HEATR5B: variants seen among roughly 807,000 people sequenced by gnomAD.
HEATR5B encodes HEAT repeat-containing protein 5B.
A neutral mutation model predicts 224.1 loss-of-function variants in HEATR5B; 156 were observed. The ratio of observed to expected loss-of-function variants is 0.70; its 90% CI spans 0.61 to 0.80. HEATR5B has a LOEUF of 0.80. Among genes scored for constraint, HEATR5B ranks in the 30% least tolerant of loss-of-function variants. The pLI, the probability that HEATR5B is intolerant of heterozygous loss-of-function variation, is 0.00. For synonymous variants in HEATR5B, 1,027 were observed against 893.0 expected (o/e 1.15, Z -2.68); for missense variants, 2,323 against 2,535.5 (o/e 0.92, Z 1.80).
intron 5 of HEATR5B, among the ~76,000 whole-genome samples, chr2:37,073,489 C>T (rs185261246): frequency 2.0e-4 from 30 of 152,246 alleles, no homozygotes; most frequent in African/African-American, 6.7e-4. Context: ...GGTGATCCAC[C>T]CGTCTCAGCC....
intron 26 of HEATR5B, among the ~76,000 whole-genome samples, chr2:37,015,817 T>A (rs1353642899): frequency 6.6e-6 from 1 of 152,288 alleles, no homozygotes; most frequent in Middle Eastern, 3.4e-3. Flanking sequence ...TCAAGGGTAA[T>A]TACATAACCC....
intron 22 of HEATR5B, among the ~76,000 whole-genome samples, chr2:37,029,467 C>G (rs1316591819): frequency 1.3e-5 from 2 of 151,818 alleles, no homozygotes; most frequent in Non-Finnish European, 2.9e-5. Flanking sequence ...AGTTCGAGAC[C>G]AGCCTGGCCA....
intron 33 of HEATR5B, among the ~76,000 whole-genome samples, chr2:36,994,239 G>C (rs1428871411): frequency 6.6e-6 from 1 of 152,108 alleles, no homozygotes; most frequent in African/African-American, 2.4e-5. Context: ...AGGGTATGCT[G>C]GAGTTCCTTA....
rs1671490761 is a variant in HEATR5B, at chr2:37,064,824, A to T, written c.1500T>A (p.Ala500=). The T allele has an allele frequency of 1.2e-6, 2 of 1,613,976 alleles. No homozygotes were observed. Among genetic ancestry groups the T allele is most frequent in the African/African-American group, 2.7e-5 (2 of 74,908 alleles). The change falls in exon 10 of 36, where the codon GCT becomes GCA. Residue 500 remains alanine, a synonymous_variant. Coordinates refer to ENST00000233099, the MANE Select transcript of HEATR5B (RefSeq NM_019024.3). ...RLNNLKTSPE[A]VSGYSFAMAA... is the part of the protein sequence containing the mutation. Reference sequence around the variant, plus strand: ...CCATTGCAAAACTATATCCACTGACAGCTTCTGGTGAGGTCTTCAAGTTGT... The same window carrying T: ...CCATTGCAAAACTATATCCACTGACTGCTTCTGGTGAGGTCTTCAAGTTGT...
intron 14 of HEATR5B, 61 bp downstream of exon 14, chr2:37,058,387 TCTA>T (rs2148550618): frequency 1.2e-6 from 1 of 842,166 alleles, no homozygotes; most frequent in South Asian, 1.5e-5. Flanking sequence ...TTGTCAAGAC[TCTA>T]TAATACGGTG....
At chr2:37,022,407 G>A (rs1668519711) in intron 24 of HEATR5B, among the ~76,000 whole-genome samples, 1 of 152,142 alleles carries the variant, frequency 6.6e-6, no homozygotes, top group African/African-American at 2.4e-5. Flanking sequence ...TCAAACTCCT[G>A]ACCTTGTGAT....
chr2:37,054,039 G>C (rs1670728033), intron 16 of HEATR5B, among the ~76,000 whole-genome samples: 1 of 151,096 alleles, frequency 6.6e-6, no homozygotes, highest in South Asian at 2.1e-4. Flanking sequence ...TCATGTCCTA[G>C]CCTCAGAAGC....
intron 33 of HEATR5B, among the ~76,000 whole-genome samples, chr2:36,994,908 G>C (rs1269968280): frequency 6.7e-6 from 1 of 148,824 alleles, no homozygotes. Flanking sequence ...CTGCCACCAC[G>C]CCTGGCTAAT....
chr2:37,065,526 C>CT (rs1413333452), intron 9 of HEATR5B, among the ~76,000 whole-genome samples: 3 of 152,108 alleles, frequency 2.0e-5, no homozygotes, highest in African/African-American at 7.2e-5. Context: ...CCAGGATGGT[C>CT]TTGAACTCCC....
chr2:37,018,093 A>G (rs1297360630), intron 26 of HEATR5B, among the ~76,000 whole-genome samples: 2 of 152,200 alleles, frequency 1.3e-5, no homozygotes, highest in South Asian at 4.1e-4. Context: ...AGGAACTTGT[A>G]ACCTACTGCT....
Position 37,037,893 on chromosome 2 carries a change from G to C in HEATR5B, c.3178C>G (p.Arg1060Gly). 6.3e-7 allele frequency: 1 copy of C among 1,596,320 alleles called. No homozygotes were observed. The highest frequency in any genetic ancestry group is 8.6e-7 in the Non-Finnish European group (1 of 1,169,128). ...CLQQLHMFAP[R>G]HVNLSSLVPS... ...ACAAGGCTAGATAGATTGACATGTC[G>C]TGGTGCAAACATGTGAAGCTGCTGA... The change falls in exon 21 of 36, where the codon CGA becomes GGA. Residue 1060 changes from arginine (R) to glycine (G), a missense_variant. Arg to Gly is a moderately radical substitution (Grantham distance 125). Coordinates refer to ENST00000233099, the MANE Select transcript of HEATR5B (RefSeq NM_019024.3).
At chr2:37,006,804 T>G (rs1473015649) in intron 29 of HEATR5B, among the ~76,000 whole-genome samples, 2 of 152,214 alleles carry the variant, frequency 1.3e-5, no homozygotes, top group African/African-American at 4.8e-5. Context: ...TTACGTTTTT[T>G]TACTGAAAAT....
intron 33 of HEATR5B, among the ~76,000 whole-genome samples, chr2:36,993,504 T>C (rs372377191): frequency 4.0e-5 from 6 of 149,748 alleles, no homozygotes; most frequent in Admixed American, 6.7e-5. Flanking sequence ...AATCGCGCCA[T>C]TGCACTCCAG....
chr2:37,049,640 G>A lies in HEATR5B; in HGVS notation c.2696+13C>T. ...CCTACACATGAAACTTGTTAGTAAA[G>A]AAACCCACTTACTTGTCAAAGCTAT... On this transcript the variant is annotated intron_variant, in intron 18 of 35. Transcript: ENST00000233099. 1 of 1,605,578 alleles carries A rather than the reference G, an allele frequency of 6.2e-7. No individual in the cohort carries two copies. Among genetic ancestry groups the A allele is most frequent in the South Asian group, 1.1e-5 (1 of 89,362 alleles).
intron 5 of HEATR5B, 104 bp downstream of exon 5, chr2:37,075,381 T>G: frequency 1.2e-6 from 1 of 837,748 alleles, no homozygotes; most frequent in East Asian, 2.6e-5. Flanking sequence ...ACTAATCCAT[T>G]GGAACACAAA....
chr2:37,052,325 C>A (rs924748131), intron 17 of HEATR5B, among the ~76,000 whole-genome samples: 13 of 152,172 alleles, frequency 8.5e-5, no homozygotes, highest in African/African-American at 2.9e-4. Flanking sequence ...ATGTCTGAAC[C>A]ATGGGATTAG....
At chr2:37,015,673 G>A (rs1668066363) in intron 26 of HEATR5B, among the ~76,000 whole-genome samples, 1 of 152,178 alleles carries the variant, frequency 6.6e-6, no homozygotes, top group Non-Finnish European at 1.5e-5. Flanking sequence ...CTAAGTAAGT[G>A]GAGATGAGAA....
At chr2:37,029,936 A>AAAAAAAATAAAT (rs368543715) in intron 22 of HEATR5B, among the ~76,000 whole-genome samples, 3 of 142,466 alleles carry the variant, frequency 2.1e-5, no homozygotes, top group Admixed American at 7.0e-5. Flanking sequence ...TCTATCTCAA[A>AAAAAAAATAAAT]AAATAAATAA....
At chr2:37,002,988 G>A (rs761142182) in intron 31 of HEATR5B, among the ~76,000 whole-genome samples, 9 of 151,970 alleles carry the variant, frequency 5.9e-5, no homozygotes, top group Admixed American at 5.2e-4. Context: ...GCCAGGTGCC[G>A]TGGCTCAAAC....
Sources: allele counts gnomAD v4.1 joint callset (sites outside exome capture counted in the v4.1 genomes callset), GRCh38; gene constraint gnomAD v4.1.1; transcripts MANE v1.5; gene names NCBI Gene and HGNC (gene_info 2026-07-23, HGNC 2026-07-21).